The following CPED1 variants were observed in gnomAD, a reference collection of about 807,000 sequenced individuals.
CPED1 encodes the protein cadherin like and PC-esterase domain containing 1.
In CPED1, 114 loss-of-function variants were observed where a neutral mutation model predicts 128.2. The observed-to-expected ratio is 0.89, with a 90% CI of 0.76 to 1.04. The LOEUF is 1.04. CPED1 is among the 50% of genes least tolerant of loss of function. The pLI, the probability that CPED1 is intolerant of heterozygous loss-of-function variation, is 0.00. For missense variants in CPED1, 1,211 were observed against 1,207.1 expected (o/e 1.00, Z -0.05); for synonymous variants, 462 against 426.7 (o/e 1.08, Z -1.02).
chr7:121,254,907 A>G (rs1420933412), intron 18 of CPED1, among the ~76,000 whole-genome samples: 1 of 121,648 alleles, frequency 8.2e-6, no homozygotes, highest in Non-Finnish European at 1.8e-5. Context: ...TGAATCAGTA[A>G]TTAAAAAAAA....
At chr7:121,059,508 G>A (rs550886074) in intron 4 of CPED1, among the ~76,000 whole-genome samples, 4 of 152,096 alleles carry the variant, frequency 2.6e-5, no homozygotes, top group Non-Finnish European at 5.9e-5. Flanking sequence ...GCAACATGAT[G>A]TGTGTGTCAC....
intron 4 of CPED1, among the ~76,000 whole-genome samples, chr7:121,047,700 CTTCTTCTTCTTCTTCTTTTT>C (rs1447398523): frequency 5.1e-4 from 20 of 39,436 alleles, no homozygotes; most frequent in Middle Eastern, 0.015. Context: ...TCTTCTTCTT[CTTCTTCTTCTTCTTCTTTTT>C]TTTTTTTTGA....
At chr7:121,186,117 C>A (rs938103055) in intron 16 of CPED1, among the ~76,000 whole-genome samples, 1 of 152,124 alleles carries the variant, frequency 6.6e-6, no homozygotes, top group African/African-American at 2.4e-5. Flanking sequence ...TAATTTGCTT[C>A]TCTTCCCAAA....
intron 18 of CPED1, among the ~76,000 whole-genome samples, chr7:121,263,928 A>G (rs1792071007): frequency 6.6e-6 from 1 of 152,036 alleles, no homozygotes; most frequent in East Asian, 1.9e-4. Flanking sequence ...CCCCTCCACC[A>G]AATTCATACA....
intron 5 of CPED1, among the ~76,000 whole-genome samples, chr7:121,080,746 G>C (rs978197829): frequency 3.3e-5 from 5 of 151,898 alleles, no homozygotes; most frequent in African/African-American, 1.2e-4. Context: ...TACCCAGAGA[G>C]AAAGAGATTG....
intron 7 of CPED1, among the ~76,000 whole-genome samples, chr7:121,118,250 G>A (rs1199224343): frequency 1.3e-5 from 2 of 152,016 alleles, no homozygotes; most frequent in Non-Finnish European, 2.9e-5. Context: ...TCTTTTAATG[G>A]ATATATGAAT....
At chr7:121,242,280 C>G (rs922968872) in intron 17 of CPED1, among the ~76,000 whole-genome samples, 2 of 152,156 alleles carry the variant, frequency 1.3e-5, no homozygotes, top group Admixed American at 1.3e-4. Flanking sequence ...GCTGACTGCC[C>G]TGCTCAAATC....
rs1490663678 is a variant in CPED1, at chr7:121,221,640, T to TTTAA, written c.2056-15072_2056-15069dup. On this transcript the variant is annotated intron_variant, in intron 16 of 22. Coordinates refer to ENST00000310396, the MANE Select transcript of CPED1 (RefSeq NM_024913.5). ...TCCAGCATCTGTTGTTTCCTGACTT[T>TTTAA]TTAATGTTCACCATTCTAATTGGCC... 4.6e-5 allele frequency among the ~76,000 whole-genome samples: 7 copies of TTTAA among 152,358 alleles called. No individual in the cohort carries two copies. The East Asian group carries it at 9.7e-4, about 21-fold the overall frequency.
chr7:121,064,868 C>T (rs1238915716), intron 5 of CPED1, among the ~76,000 whole-genome samples: 1 of 152,108 alleles, frequency 6.6e-6, no homozygotes, highest in Non-Finnish European at 1.5e-5. Context: ...TATATGAACC[C>T]TCATAGATGA....
intron 5 of CPED1, among the ~76,000 whole-genome samples, chr7:121,096,619 AAG>A (rs1295807744): frequency 1.3e-5 from 2 of 152,202 alleles, no homozygotes; most frequent in Admixed American, 1.3e-4. Flanking sequence ...ATAGATGTAT[AAG>A]AGTATTCATT....
Position 121,260,237 on chromosome 7 carries a change from T to G in CPED1, c.2311-5990T>G, listed in dbSNP as rs973156908. The stretch of plus-strand genomic sequence containing the variant: ...GCTTGCTTCGCGTTTTTTTTTTTTT[T>G]TTTTTTTTTTTGCCAAATTTTATGT... On this transcript the variant is annotated intron_variant, in intron 18 of 22. Transcript: ENST00000310396. Among the ~76,000 whole-genome samples, 8 of 150,348 alleles carry G rather than the reference T, an allele frequency of 5.3e-5. No individual in the cohort carries two copies. The East Asian group carries it at 5.9e-4, about 11-fold the overall frequency.
chr7:121,138,479 A>G (rs959871698), intron 14 of CPED1, among the ~76,000 whole-genome samples: 2 of 152,102 alleles, frequency 1.3e-5, no homozygotes, highest in African/African-American at 4.8e-5. Context: ...ACAGGGGTTT[A>G]GGAGATAGTG....
intron 20 of CPED1, among the ~76,000 whole-genome samples, chr7:121,267,014 A>G (rs1167434605): frequency 6.6e-6 from 1 of 152,090 alleles, no homozygotes; most frequent in Non-Finnish European, 1.5e-5. Context: ...CATTTAGTAC[A>G]GATCAAAATG....
chr7:121,008,555 A>T (rs1792082778), intron 2 of CPED1, among the ~76,000 whole-genome samples: 1 of 152,254 alleles, frequency 6.6e-6, no homozygotes, highest in East Asian at 1.9e-4. Flanking sequence ...CAATATTCAC[A>T]ATATAGGCAA....
chr7:121,101,554 T>A (rs1011346066), intron 7 of CPED1, among the ~76,000 whole-genome samples: 6 of 152,190 alleles, frequency 3.9e-5, no homozygotes, highest in African/African-American at 1.2e-4. Context: ...TTCAATCTTA[T>A]CTTTTGAATC....
intron 7 of CPED1, among the ~76,000 whole-genome samples, chr7:121,112,648 C>T (rs986163206): frequency 6.6e-6 from 1 of 152,060 alleles, no homozygotes; most frequent in Non-Finnish European, 1.5e-5. Context: ...TTACAGAAGT[C>T]CTAAAAAGCA....
intron 21 of CPED1, among the ~76,000 whole-genome samples, chr7:121,269,727 T>C (rs1021818386): frequency 4.6e-5 from 7 of 152,134 alleles, no homozygotes; most frequent in African/African-American, 1.7e-4. Flanking sequence ...GGTTTTGATA[T>C]GCATTTCTCT....
chr7:121,280,676 T>A (rs748463760), intron 22 of CPED1, among the ~76,000 whole-genome samples: 2 of 152,194 alleles, frequency 1.3e-5, no homozygotes, highest in African/African-American at 4.8e-5. Context: ...AATTAAATAT[T>A]TGGGGGCAAA....
intron 16 of CPED1, among the ~76,000 whole-genome samples, chr7:121,176,216 A>AAAACC (rs140183112): frequency 1.1e-5 from 1 of 93,036 alleles, no homozygotes; most frequent in African/African-American, 4.5e-5. Context: ...AAAAAAAAAA[A>AAAACC]CACCTCTGGA....
Sources: gnomAD v4.1 joint callset for allele counts (sites outside exome capture counted in the v4.1 genomes callset) on GRCh38, gnomAD v4.1.1 for gene constraint, MANE v1.5 for transcripts, NCBI Gene and HGNC (gene_info 2026-07-23, HGNC 2026-07-21) for gene names.